TBC1D22A: variants seen among roughly 807,000 people sequenced by gnomAD.
TBC1D22A encodes putative GTPase activator.
TBC1D22A carries 38 observed loss-of-function variants against 60.2 expected under a neutral mutation model. The ratio of observed to expected loss-of-function variants is 0.63; its 90% CI spans 0.49 to 0.83. TBC1D22A has a LOEUF of 0.83. TBC1D22A is among the 40% of genes least tolerant of loss of function. The pLI is 0.00. For missense variants in TBC1D22A, 628 were observed against 701.0 expected (o/e 0.90, Z 1.18); for synonymous variants, 302 against 281.7 (o/e 1.07, Z -0.72).
At chr22:46,792,424 G>T in intron 1 of TBC1D22A, 96 bp from the exon 2 acceptor site, 4 of 1,549,368 alleles carry the variant, frequency 2.6e-6, no homozygotes, top group South Asian at 1.1e-5. Flanking sequence ...CTTCAGTCCT[G>T]TGGGTTCCTG....
chr22:46,855,882 A>G (rs1235354591), intron 4 of TBC1D22A, among the ~76,000 whole-genome samples: 1 of 152,192 alleles, frequency 6.6e-6, no homozygotes, highest in East Asian at 1.9e-4. Flanking sequence ...TACATTGCAT[A>G]CTTATCTAAA....
chr22:47,172,183 CT>C (rs1331653218), intron 12 of TBC1D22A, among the ~76,000 whole-genome samples: 1 of 152,084 alleles, frequency 6.6e-6, no homozygotes, highest in Non-Finnish European at 1.5e-5. Flanking sequence ...CCCAGTGAGC[CT>C]TGTGTGTCCA....
intron 7 of TBC1D22A, 49 bp from the exon 8 acceptor site, chr22:46,912,025 T>C: frequency 7.8e-7 from 1 of 1,288,034 alleles, no homozygotes. Context: ...ATTTTAAAGT[T>C]TCTGCCATGT....
At chr22:46,825,136 C>T (rs551534540) in intron 4 of TBC1D22A, among the ~76,000 whole-genome samples, 9 of 152,206 alleles carry the variant, frequency 5.9e-5, no homozygotes, top group Non-Finnish European at 1.2e-4. Context: ...GTGCAGCAGG[C>T]GTCAGTGGAG....
intron 11 of TBC1D22A, among the ~76,000 whole-genome samples, chr22:47,099,041 C>T (rs1310071635): frequency 6.6e-6 from 1 of 152,218 alleles, no homozygotes; most frequent in Non-Finnish European, 1.5e-5. Flanking sequence ...AGGGAAAACC[C>T]CTCTTTACTC....
At chr22:47,112,047 T>C (rs1043454438) in intron 12 of TBC1D22A, among the ~76,000 whole-genome samples, 3 of 152,194 alleles carry the variant, frequency 2.0e-5, no homozygotes, top group Non-Finnish European at 2.9e-5. Context: ...TGGGGGCACA[T>C]TGTTCAGCCT....
intron 11 of TBC1D22A, among the ~76,000 whole-genome samples, chr22:47,076,039 A>T (rs554874465): frequency 6.5e-4 from 99 of 152,298 alleles, no homozygotes; most frequent in Non-Finnish European, 9.6e-4. Flanking sequence ...GCCTTACGGT[A>T]TATTAGGTAA....
chr22:47,134,623 T>TG (rs34047148), intron 12 of TBC1D22A, among the ~76,000 whole-genome samples: 47 of 152,350 alleles, frequency 3.1e-4, no homozygotes, highest in African/African-American at 1.1e-3. Context: ...ACTGGCAGCC[T>TG]GGGAGTGTCC....
intron 10 of TBC1D22A, among the ~76,000 whole-genome samples, chr22:47,019,981 C>T (rs1238564203): frequency 1.3e-5 from 2 of 151,238 alleles, no homozygotes; most frequent in African/African-American, 2.4e-5. Context: ...CTCCCTTAGC[C>T]CTCCATCCTC....
intron 4 of TBC1D22A, among the ~76,000 whole-genome samples, chr22:46,823,743 C>T (rs771760006): frequency 2.0e-5 from 3 of 152,230 alleles, no homozygotes; most frequent in Non-Finnish European, 2.9e-5. Flanking sequence ...CTGCCTTCTC[C>T]GGAACTCTTG....
chr22:47,012,468 G>A (rs1430802194), intron 10 of TBC1D22A, among the ~76,000 whole-genome samples: 1 of 152,134 alleles, frequency 6.6e-6, no homozygotes, highest in Non-Finnish European at 1.5e-5. Flanking sequence ...TGTCGTCCTG[G>A]GCCCTCGGAA....
intron 4 of TBC1D22A, among the ~76,000 whole-genome samples, chr22:46,875,394 A>C (rs780513614): frequency 4.6e-5 from 7 of 152,218 alleles, no homozygotes; most frequent in Non-Finnish European, 7.3e-5. Flanking sequence ...GTGGGGGCCA[A>C]GAACGACTAG....
chr22:46,813,649 G>A (rs1160170129), intron 4 of TBC1D22A, among the ~76,000 whole-genome samples: 1 of 152,244 alleles, frequency 6.6e-6, no homozygotes, highest in Non-Finnish European at 1.5e-5. Context: ...GAACTAGGGA[G>A]GGTTAGGGCC....
intron 1 of TBC1D22A, among the ~76,000 whole-genome samples, chr22:46,785,587 T>G (rs147256386): frequency 2.0e-4 from 30 of 152,318 alleles, no homozygotes; most frequent in African/African-American, 6.7e-4. Context: ...CGTGTGTCCT[T>G]TAACTATCAC....
At chr22:47,051,804 A>G (rs2063230353) in intron 11 of TBC1D22A, among the ~76,000 whole-genome samples, 2 of 152,130 alleles carry the variant, frequency 1.3e-5, no homozygotes, top group Admixed American at 1.3e-4. Flanking sequence ...GTGTTCTGTC[A>G]TGAGTGGAGA....
At chr22:47,116,807 T>G (rs1241512031) in intron 12 of TBC1D22A, 2 of 152,520 alleles carry the variant, frequency 1.3e-5, no homozygotes, top group Non-Finnish European at 2.9e-5. Flanking sequence ...GTGTGTGCAG[T>G]GCCTAGGTTG....
intron 12 of TBC1D22A, among the ~76,000 whole-genome samples, chr22:47,156,518 A>G (rs185314974): frequency 6.6e-6 from 1 of 152,080 alleles, no homozygotes; most frequent in East Asian, 1.9e-4. Flanking sequence ...CAGTTGTTAG[A>G]TCGATGCCTA....
Position 46,840,697 on chromosome 22 carries a change from T to C in TBC1D22A, c.638-37956T>C, listed in dbSNP as rs535080708. On this transcript the variant is annotated intron_variant, in intron 4 of 12. Transcript: ENST00000337137. The stretch of plus-strand genomic sequence containing the variant: ...GCAGTGAGCCGAGATTGCGCCACTG[T>C]ACTCCAGCCTGGGTGGCAGAGCGAG... Among the ~76,000 whole-genome samples the C allele has an allele frequency of 1.1e-3, 171 of 150,970 alleles. 1 individual carries two copies. The highest frequency in any genetic ancestry group is 1.3e-3 in the Non-Finnish European group (91 of 67,828).
intron 12 of TBC1D22A, among the ~76,000 whole-genome samples, chr22:47,140,433 C>G (rs1247375743): frequency 6.6e-6 from 1 of 151,852 alleles, no homozygotes. Context: ...GTGGCGGGCA[C>G]CTGTAGTCCC....
Sources: gnomAD v4.1 joint callset for allele counts (sites outside exome capture counted in the v4.1 genomes callset) on GRCh38, gnomAD v4.1.1 for gene constraint, MANE v1.5 for transcripts, NCBI Gene and HGNC (gene_info 2026-07-23, HGNC 2026-07-21) for gene names.